The following ATP9A variants were observed in gnomAD, a reference collection of about 807,000 sequenced individuals.
ATP9A encodes the protein probable phospholipid-transporting ATPase IIA.
Under a neutral mutation model 144.1 loss-of-function variants are expected in ATP9A, and 52 were observed. The ratio of observed to expected loss-of-function variants is 0.36; its 90% confidence interval spans 0.29 to 0.45. The LOEUF (loss-of-function observed/expected upper bound fraction) is 0.45, where lower values mean the gene tolerates loss of function less well. Among genes scored for constraint, ATP9A ranks in the 20% least tolerant of loss-of-function variants. ATP9A has a pLI of 1.00. For synonymous variants in ATP9A, 582 were observed against 557.4 expected, an observed-to-expected ratio of 1.04 and a Z score of -0.62; for missense variants, 947 against 1,392.7, an observed-to-expected ratio of 0.68 and a Z score of 5.09.
intron 8 of ATP9A, 68 bp downstream of exon 8, chr20:51,690,671 T>C: frequency 7.5e-7 from 1 of 1,338,848 alleles, no homozygotes; most frequent in Non-Finnish European, 1.1e-6. Flanking sequence ...TGTCAGTACT[T>C]CTTGGCCTTC....
chr20:51,737,989 A>C (rs1016457416), intron 1 of ATP9A, among the ~76,000 whole-genome samples: 1 of 151,862 alleles, frequency 6.6e-6, no homozygotes, highest in African/African-American at 2.4e-5. Context: ...AGGATTTCGA[A>C]TCCAACTTGG....
intron 1 of ATP9A, among the ~76,000 whole-genome samples, chr20:51,746,055 C>A (rs2077806662): frequency 6.6e-6 from 1 of 152,178 alleles, no homozygotes. Flanking sequence ...AGGCTATTAT[C>A]CTCAGCACAT....
chr20:51,666,817 C>T (rs895736591), intron 13 of ATP9A, among the ~76,000 whole-genome samples: 1 of 152,112 alleles, frequency 6.6e-6, no homozygotes, highest in African/African-American at 2.4e-5. Flanking sequence ...TCCACAGCTG[C>T]AAATTTACTA....
At chr20:51,759,559 T>C (rs2077870363) in intron 1 of ATP9A, among the ~76,000 whole-genome samples, 1 of 151,668 alleles carries the variant, frequency 6.6e-6, no homozygotes. Context: ...TGTAATCCCA[T>C]GTACTCAGGA....
chr20:51,617,207 A>T (rs960080687), intron 22 of ATP9A, among the ~76,000 whole-genome samples: 2 of 152,010 alleles, frequency 1.3e-5, no homozygotes, highest in African/African-American at 4.8e-5. Flanking sequence ...AGCCTCCCAA[A>T]GTGCTGGGAT....
At chr20:51,768,170 T>A in intron 1 of ATP9A, 132 bp downstream of exon 1, 1 of 405,876 alleles carries the variant, frequency 2.5e-6, no homozygotes, top group Admixed American at 5.6e-5. Flanking sequence ...CCTCCCCGCC[T>A]CCCCAGCCCT....
intron 23 of ATP9A, among the ~76,000 whole-genome samples, chr20:51,610,732 C>T (rs2077181897): frequency 2.0e-5 from 3 of 151,968 alleles, no homozygotes; most frequent in South Asian, 2.1e-4. Context: ...ACCAAAGTGC[C>T]GTAGGTATGG....
intron 7 of ATP9A, among the ~76,000 whole-genome samples, chr20:51,691,591 C>T (rs1327271720): frequency 1.4e-5 from 2 of 148,108 alleles, no homozygotes; most frequent in Non-Finnish European, 3.1e-5. Flanking sequence ...GCTATCAAAA[C>T]AAAAACAAAA....
At chr20:51,609,216 G>T (rs73134851) in intron 24 of ATP9A, among the ~76,000 whole-genome samples, 1 of 152,096 alleles carries the variant, frequency 6.6e-6, no homozygotes, top group Non-Finnish European at 1.5e-5. Flanking sequence ...GTCGCACGGC[G>T]CACAGCTCAG....
intron 9 of ATP9A, among the ~76,000 whole-genome samples, chr20:51,684,901 C>T (rs2077515992): frequency 6.6e-6 from 1 of 150,500 alleles, no homozygotes; most frequent in African/African-American, 2.4e-5. Context: ...GTCCCGGCTA[C>T]TAGGGAGGCT....
rs202089710 is a variant in ATP9A, at chr20:51,639,441, T to C, written c.1570A>G (p.Met524Val). Reference sequence around the variant, plus strand: ...TGGTCGCCAGGGGTCCTCAGCTGCATGGAAGACTGGTCTCGGCCCACCAGG... The same window carrying C: ...TGGTCGCCAGGGGTCCTCAGCTGCACGGAAGACTGGTCTCGGCCCACCAGG... ...LTLVGRDQSS[M>V]QLRTPGDQIL... is the part of the protein sequence containing the mutation. Residue 524 changes from methionine (M) to valine (V), a missense_variant, in exon 15 of 28, where the codon ATG becomes GTG. Around this residue, in one of 2 missense-constraint regions of ATP9A, gnomAD observed 770 missense variants for 1,047.9 expected, o/e 0.73. Transcript: ENST00000338821. 237 of 1,614,050 alleles carry C rather than the reference T, an allele frequency of 1.5e-4. No homozygotes were observed. Among genetic ancestry groups the C allele is most frequent in the Non-Finnish European group, 1.8e-4 (217 of 1,179,946 alleles).
intron 1 of ATP9A, among the ~76,000 whole-genome samples, chr20:51,760,088 G>A (rs2077872640): frequency 6.6e-6 from 1 of 152,012 alleles, no homozygotes; most frequent in African/African-American, 2.4e-5. Context: ...TTTCCCTGAT[G>A]GTTTTGCAGT....
intron 23 of ATP9A, among the ~76,000 whole-genome samples, chr20:51,612,190 G>A (rs1444248014): frequency 6.6e-6 from 1 of 152,176 alleles, no homozygotes; most frequent in East Asian, 1.9e-4. Context: ...GAGGCCTAGA[G>A]TAGTAAAGTT....
At chr20:51,756,275 G>T (rs201343708) in intron 1 of ATP9A, among the ~76,000 whole-genome samples, 20 of 64,966 alleles carry the variant, frequency 3.1e-4, no homozygotes, top group Admixed American at 9.3e-4. Flanking sequence ...TGGTGTCTCT[G>T]TCTTTTTTTT....
chr20:51,768,260 G>T, intron 1 of ATP9A, 42 bp downstream of exon 1: 2 of 1,210,384 alleles, frequency 1.7e-6, no homozygotes. Flanking sequence ...CCGGGCTCCG[G>T]GAGGCGCGGA....
chr20:51,747,393 C>G (rs1465956534), intron 1 of ATP9A, among the ~76,000 whole-genome samples: 1 of 152,042 alleles, frequency 6.6e-6, no homozygotes, highest in Non-Finnish European at 1.5e-5. Context: ...CGGCAATAGA[C>G]AGGGCAACAC....
intron 2 of ATP9A, among the ~76,000 whole-genome samples, chr20:51,727,831 T>C (rs1424242706): frequency 6.6e-6 from 1 of 150,872 alleles, no homozygotes; most frequent in Non-Finnish European, 1.5e-5. Flanking sequence ...CTCAGGAGGC[T>C]GAGGCAGGAG....
rs376553407 is a variant in ATP9A at position 51,637,623 on chromosome 20, TC to T, written c.1668+1719del. Among the ~76,000 whole-genome samples the T allele has an allele frequency of 3.3e-3, 507 of 151,736 alleles. 3 individuals carry two copies. The highest frequency in any genetic ancestry group is 0.012 in the African/African-American group (490 of 41,414). ...CAAGCCAAGCCTTAGCTGAAAATTCTCCGCCAGCAGGCAGGGGGCAGGGCCA... is the reference window on the plus strand; with the variant it reads ...CAAGCCAAGCCTTAGCTGAAAATTCTCGCCAGCAGGCAGGGGGCAGGGCCA... On this transcript the variant is annotated intron_variant, in intron 15 of 27. Transcript: ENST00000338821.
intron 1 of ATP9A, among the ~76,000 whole-genome samples, chr20:51,751,657 G>A (rs1399444657): frequency 2.0e-5 from 3 of 151,000 alleles, no homozygotes; most frequent in Admixed American, 6.6e-5. Flanking sequence ...GCGCAATCTC[G>A]GCTCACTGCA....
Sources: allele counts gnomAD v4.1 joint callset (sites outside exome capture counted in the v4.1 genomes callset), GRCh38; gene constraint gnomAD v4.1.1; regional missense constraint gnomAD v4.1.1; transcripts MANE v1.5; gene names NCBI Gene and HGNC (gene_info 2026-07-23, HGNC 2026-07-21).